Variants in BLTP3B observed in about 807,000 individuals in gnomAD.
BLTP3B encodes UHRF1 (ICBP90) binding protein 1-like.
chr12:100,116,090 C>T, the BLTP3B span, among the ~76,000 whole-genome samples: 1,188 of 150,516 alleles, frequency 7.9e-3, 5 homozygotes, highest in Non-Finnish European at 0.012. Flanking sequence ...GGGAATCACT[C>T]GAACCCAGGA....
the BLTP3B span, among the ~76,000 whole-genome samples, chr12:100,116,448 C>CAAAAAAAAA: frequency 1.8e-5 from 1 of 56,002 alleles, no homozygotes; most frequent in Non-Finnish European, 3.7e-5. Flanking sequence ...GATCCTGTCT[C>CAAAAAAAAA]AAAAAAAAAA....
At chr12:100,061,579 C>T in the BLTP3B span, among the ~76,000 whole-genome samples, 3 of 150,824 alleles carry the variant, frequency 2.0e-5, no homozygotes, top group Non-Finnish European at 2.9e-5. Context: ...ATGGTGTGAA[C>T]CTGGGAGGTG....
chr12:100,075,274 T>C, the BLTP3B span, among the ~76,000 whole-genome samples: 3 of 152,108 alleles, frequency 2.0e-5, no homozygotes, highest in African/African-American at 7.2e-5. Flanking sequence ...CCTCTCAAAA[T>C]GCTGGGATTA....
At chr12:100,109,626 C>G in the BLTP3B span, among the ~76,000 whole-genome samples, 1 of 151,998 alleles carries the variant, frequency 6.6e-6, no homozygotes, top group African/African-American at 2.4e-5. Context: ...ATTAGCTGGG[C>G]ATGTTGGCGC....
chr12:100,120,794 A>C, the BLTP3B span, among the ~76,000 whole-genome samples: 1 of 117,122 alleles, frequency 8.5e-6, no homozygotes, highest in Admixed American at 8.2e-5. Context: ...CAATTATGTA[A>C]GAGAGAGAGA....
the BLTP3B span, chr12:100,084,545 C>A: frequency 6.2e-7 from 1 of 1,614,080 alleles, no homozygotes; most frequent in Non-Finnish European, 8.5e-7. Flanking sequence ...TGATCCTTCA[C>A]AGCCTGTTTA....
chr12:100,134,546 G>A, the BLTP3B span, among the ~76,000 whole-genome samples: 2 of 151,972 alleles, frequency 1.3e-5, no homozygotes, highest in South Asian at 2.1e-4. Flanking sequence ...GAACCCAGAA[G>A]GCAGGGGTTG....
At chr12:100,114,858 C>T in the BLTP3B span, among the ~76,000 whole-genome samples, 1 of 152,166 alleles carries the variant, frequency 6.6e-6, no homozygotes, top group Non-Finnish European at 1.5e-5. Context: ...CTCCTATTTC[C>T]TCATTTTCTC....
the BLTP3B span, chr12:100,102,719 T>TA: frequency 7.3e-6 from 8 of 1,090,946 alleles, no homozygotes; most frequent in South Asian, 2.9e-5. Context: ...TTTTTTTTTT[T>TA]AATGTCCTGT....
At chr12:100,058,320 T>A in the BLTP3B span, 3 of 1,613,918 alleles carry the variant, frequency 1.9e-6, no homozygotes, top group Non-Finnish European at 2.5e-6. Flanking sequence ...TGAGCCACTT[T>A]TGTAAACAAG....
the BLTP3B span, among the ~76,000 whole-genome samples, chr12:100,045,848 C>T: frequency 7.6e-3 from 1,164 of 152,166 alleles, 14 homozygotes; most frequent in African/African-American, 0.027. Flanking sequence ...GGGTTAATAT[C>T]GAGAATCTAC....
chr12:100,125,513 G>A, the BLTP3B span, among the ~76,000 whole-genome samples: 1 of 152,018 alleles, frequency 6.6e-6, no homozygotes, highest in Non-Finnish European at 1.5e-5. Context: ...AGCCGAGCAT[G>A]GTGGTGTACC....
At chr12:100,039,364 C>T in the BLTP3B span, among the ~76,000 whole-genome samples, 1 of 151,958 alleles carries the variant, frequency 6.6e-6, no homozygotes, top group Non-Finnish European at 1.5e-5. Context: ...AAAAAATCTA[C>T]AAGGAAAAAT....
the BLTP3B span, among the ~76,000 whole-genome samples, chr12:100,060,849 C>T: frequency 6.6e-6 from 1 of 152,106 alleles, no homozygotes; most frequent in Non-Finnish European, 1.5e-5. Flanking sequence ...ATATCTAGAG[C>T]ATTTAGACTA....
the BLTP3B span, among the ~76,000 whole-genome samples, chr12:100,091,484 G>A: frequency 3.3e-5 from 5 of 151,018 alleles, no homozygotes; most frequent in East Asian, 2.0e-4. Context: ...CACAGCGTCC[G>A]GCCCCTAATT....
the BLTP3B span, among the ~76,000 whole-genome samples, chr12:100,038,941 A>G: frequency 6.6e-6 from 1 of 152,220 alleles, no homozygotes; most frequent in South Asian, 2.1e-4. Context: ...CTTCATCTGT[A>G]GTATAGCATC....
At chr12:100,117,180 T>G in the BLTP3B span, among the ~76,000 whole-genome samples, 7 of 152,208 alleles carry the variant, frequency 4.6e-5, no homozygotes, top group African/African-American at 7.2e-5. Flanking sequence ...AACTCCTCAT[T>G]CTTTTAGTGA....
chr12:100,086,346 C>T, the BLTP3B span: 13 of 1,451,666 alleles, frequency 9.0e-6, no homozygotes, highest in South Asian at 1.2e-5. Context: ...TCCAGTAATA[C>T]GTCTGTTTGA....
chr12:100,060,278 CAT>C, the BLTP3B span, among the ~76,000 whole-genome samples: 3 of 152,084 alleles, frequency 2.0e-5, no homozygotes. Flanking sequence ...ATATCTATAA[CAT>C]ATAAATATAT....
Sources: allele counts gnomAD v4.1 joint callset (sites outside exome capture counted in the v4.1 genomes callset), GRCh38; gene constraint gnomAD v4.1.1; transcripts MANE v1.5; gene names NCBI Gene and HGNC (gene_info 2026-07-23, HGNC 2026-07-21).